POLDIP3: variants seen among roughly 807,000 people sequenced by gnomAD.
POLDIP3 encodes the protein polymerase delta-interacting protein 3.
POLDIP3 carries 14 observed loss-of-function variants against 45.1 expected under a neutral mutation model. The ratio of observed to expected loss-of-function variants is 0.31; its 90% confidence interval spans 0.20 to 0.49. POLDIP3 has a LOEUF of 0.49. Among genes scored for constraint, POLDIP3 ranks in the 20% least tolerant of loss-of-function variants. The pLI is 0.99. For synonymous variants in POLDIP3, 223 were observed against 205.2 expected (o/e 1.09, Z -0.74); for missense variants, 511 against 538.8 (o/e 0.95, Z 0.51).
chr22:42,590,838 G>A (rs1295388244), intron 7 of POLDIP3, among the ~76,000 whole-genome samples: 3 of 152,164 alleles, frequency 2.0e-5, no homozygotes, highest in Non-Finnish European at 4.4e-5. Context: ...TTGAGAGGCC[G>A]AGGTGGGCAG....
At position 42,584,808 on chromosome 22, in the gene POLDIP3, C is replaced by G. The variant is rs1925189606; in HGVS notation, c.*983G>C. On this transcript the variant is annotated 3_prime_UTR_variant, in exon 9 of 9. Coordinates refer to ENST00000252115, the MANE Select transcript of POLDIP3 (RefSeq NM_032311.5). ...CTTGGTGGCAGCTGGATATATGCCTCCAGGCATCCCTGACCACTGTCCTGT... is the reference window on the plus strand; with the variant it reads ...CTTGGTGGCAGCTGGATATATGCCTGCAGGCATCCCTGACCACTGTCCTGT... 5 of 429,008 alleles carry G rather than the reference C, an allele frequency of 1.2e-5. No individual in the cohort carries two copies. The Admixed American group carries it at 1.3e-4, about 12-fold the overall frequency. The allele number at this position is 429,008 out of a possible 1,614,324, so 26.6% of individuals were successfully genotyped here. A position where few individuals can be genotyped will look rare whatever the true frequency, so the allele number is the denominator to read the frequency against.
intron 4 of POLDIP3, 91 bp from the exon 5 acceptor site, chr22:42,596,456 A>C (rs1925999019): frequency 5.7e-6 from 7 of 1,238,710 alleles, no homozygotes; most frequent in Non-Finnish European, 5.6e-6. Context: ...GAGAGCATGA[A>C]CCCTCGATGC....
intron 6 of POLDIP3, among the ~76,000 whole-genome samples, chr22:42,595,114 G>C (rs751330820): frequency 2.6e-5 from 4 of 152,196 alleles, no homozygotes; most frequent in Non-Finnish European, 5.9e-5. Flanking sequence ...ACTGTGCCTG[G>C]ACTGTGCAAA....
chr22:42,596,742 G>A (rs533858306), intron 4 of POLDIP3, among the ~76,000 whole-genome samples: 1 of 152,228 alleles, frequency 6.6e-6, no homozygotes, highest in East Asian at 1.9e-4. Flanking sequence ...AGCTTGGCCA[G>A]GCATAGTGGA....
chr22:42,592,106 G>A, intron 6 of POLDIP3, 22 bp from the exon 7 acceptor site: 1 of 1,613,538 alleles, frequency 6.2e-7, no homozygotes, highest in Non-Finnish European at 8.5e-7. Context: ...AAGAGGGGTT[G>A]GGATTGGGGA....
At chr22:42,614,748 G>A (rs778005943) in intron 1 of POLDIP3, 51 bp downstream of exon 1, 10 of 1,592,196 alleles carry the variant, frequency 6.3e-6, no homozygotes, top group African/African-American at 5.4e-5. Context: ...CCCGCCTCGA[G>A]CTCCACTAGG....
intron 4 of POLDIP3, among the ~76,000 whole-genome samples, chr22:42,596,575 G>A (rs1039491043): frequency 3.3e-5 from 5 of 152,194 alleles, no homozygotes; most frequent in South Asian, 2.1e-4. Flanking sequence ...CAGCCTGAAC[G>A]CGCACTCACA....
chr22:42,599,279 G>A (rs554346536), intron 4 of POLDIP3, among the ~76,000 whole-genome samples: 66 of 152,282 alleles, frequency 4.3e-4, no homozygotes, highest in African/African-American at 1.5e-3. Context: ...AAAATCTTAC[G>A]GCCCAAACAA....
chr22:42,599,530 G>C (rs1416027230), intron 4 of POLDIP3, among the ~76,000 whole-genome samples, 168 bp downstream of exon 4: 2 of 152,226 alleles, frequency 1.3e-5, no homozygotes, highest in Non-Finnish European at 2.9e-5. Flanking sequence ...CTTGAACCCA[G>C]GAGACGGAGG....
At chr22:42,594,383 C>T (rs1027556984) in intron 6 of POLDIP3, among the ~76,000 whole-genome samples, 12 of 151,926 alleles carry the variant, frequency 7.9e-5, no homozygotes, top group African/African-American at 9.7e-5. Context: ...TAGTGGCAGG[C>T]GCCTCTAATC....
Position 42,599,806 on chromosome 22 carries a change from CAT to C in POLDIP3, c.538-15_538-14del, listed in dbSNP as rs879172808. On this transcript the variant is annotated splice_polypyrimidine_tract_variant and intron_variant, in intron 3 of 8. Transcript: ENST00000252115. ...GGTCATATAAATTCTGAGAATATAA[CAT>C]AAAGAAATATAAGCAAATGTGGCAT... is the stretch of plus-strand genomic sequence containing the variant. The C allele has an allele frequency of 1.9e-6, 3 of 1,573,938 alleles. No individual in the cohort carries two copies. Among genetic ancestry groups the C allele is most frequent in the Middle Eastern group, 1.7e-4 (1 of 5,988 alleles).
At chr22:42,603,784 C>T (rs1330768710) in intron 1 of POLDIP3, 2 of 152,274 alleles carry the variant, frequency 1.3e-5, no homozygotes, top group Non-Finnish European at 2.9e-5. Flanking sequence ...ATTGCAATAG[C>T]AAAAATATCA....
chr22:42,598,976 G>A (rs1226385951), intron 4 of POLDIP3, among the ~76,000 whole-genome samples: 1 of 152,230 alleles, frequency 6.6e-6, no homozygotes, highest in Non-Finnish European at 1.5e-5. Context: ...AGAGCCCACA[G>A]ATCAGGTGAG....
chr22:42,608,395 C>T (rs1478449091), intron 1 of POLDIP3, among the ~76,000 whole-genome samples: 1 of 151,704 alleles, frequency 6.6e-6, no homozygotes, highest in Non-Finnish European at 1.5e-5. Context: ...TGGACTCCAG[C>T]CTGGGAGACA....
In POLDIP3 at chr22:42,614,786, A is replaced by T; in HGVS notation, c.59+13T>A. On this transcript the variant is annotated intron_variant, in intron 1 of 8. Coordinates refer to ENST00000252115, the MANE Select transcript of POLDIP3 (RefSeq NM_032311.5). ...GAGGACCCTAAACCCCGAAGAAAGG[A>T]AAGGCCTCTCACCGTCCTTTCGCCG... 7 of 1,613,908 alleles carry T rather than the reference A, an allele frequency of 4.3e-6. No individual in the cohort carries two copies. Among genetic ancestry groups the T allele is most frequent in the Non-Finnish European group, 5.9e-6 (7 of 1,179,814 alleles).
intron 1 of POLDIP3, among the ~76,000 whole-genome samples, chr22:42,607,590 C>G (rs1424615308): frequency 2.0e-5 from 3 of 149,796 alleles, no homozygotes; most frequent in African/African-American, 7.4e-5. Flanking sequence ...TGTGAGGAGC[C>G]CCTCTGCCCG....
intron 1 of POLDIP3, among the ~76,000 whole-genome samples, chr22:42,614,158 A>G (rs921317092): frequency 6.6e-6 from 1 of 152,212 alleles, no homozygotes; most frequent in Admixed American, 6.5e-5. Context: ...GCCTCGGGCA[A>G]GTCACTCTAC....
At chr22:42,595,044 G>A (rs189958864) in intron 6 of POLDIP3, among the ~76,000 whole-genome samples, 1 of 152,316 alleles carries the variant, frequency 6.6e-6, no homozygotes, top group Admixed American at 6.5e-5. Context: ...TTCCAGGGGT[G>A]GCCCTTGGCT....
At chr22:42,598,141 G>A (rs1000033665) in intron 4 of POLDIP3, among the ~76,000 whole-genome samples, 13 of 150,274 alleles carry the variant, frequency 8.7e-5, no homozygotes, top group African/African-American at 2.9e-4. Context: ...GGAGTGCAGT[G>A]GCACAATCTC....
Sources: gnomAD v4.1 joint callset for allele counts (sites outside exome capture counted in the v4.1 genomes callset) on GRCh38, gnomAD v4.1.1 for gene constraint, MANE v1.5 for transcripts, NCBI Gene and HGNC (gene_info 2026-07-23, HGNC 2026-07-21) for gene names.